C10orf90: variants seen among roughly 807,000 people sequenced by gnomAD.
The protein encoded by C10orf90 is (E2-independent) E3 ubiquitin-conjugating enzyme FATS.
C10orf90 carries 56 observed loss-of-function variants against 62.5 expected under a neutral mutation model. The ratio of observed to expected loss-of-function variants is 0.90; its 90% CI spans 0.72 to 1.12. The LOEUF (loss-of-function observed/expected upper bound fraction) is 1.12, where lower values mean the gene tolerates loss of function less well. Ranked by LOEUF, C10orf90 falls within the 50% of genes most tolerant of loss-of-function variation. The pLI is 0.00. For missense variants in C10orf90, 970 were observed against 880.4 expected (o/e 1.10, Z -1.29); for synonymous variants, 386 against 340.4 (o/e 1.13, Z -1.47).
At chr10:126,475,181 G>A (rs183949148) in intron 4 of C10orf90, among the ~76,000 whole-genome samples, 39 of 152,300 alleles carry the variant, frequency 2.6e-4, no homozygotes, top group African/African-American at 8.4e-4. Flanking sequence ...TCAAAGGGAC[G>A]TGGAGAGAAC....
At chr10:126,469,503 A>T (rs1183545536) in intron 4 of C10orf90, among the ~76,000 whole-genome samples, 1 of 152,144 alleles carries the variant, frequency 6.6e-6, no homozygotes, top group Non-Finnish European at 1.5e-5. Flanking sequence ...TCCCTGCAGA[A>T]TCTGGGCCAT....
intron 2 of C10orf90, among the ~76,000 whole-genome samples, chr10:126,628,072 T>A (rs999203314): frequency 6.6e-6 from 1 of 152,230 alleles, no homozygotes; most frequent in African/African-American, 2.4e-5. Context: ...GTCTTTATCA[T>A]GAAATTAGTT....
At chr10:126,598,786 T>A (rs1434778671) in intron 2 of C10orf90, among the ~76,000 whole-genome samples, 1 of 152,138 alleles carries the variant, frequency 6.6e-6, no homozygotes. Flanking sequence ...TAGGGAATAT[T>A]CCCATCTCTG....
At chr10:126,648,943 T>C (rs1046825514) in intron 1 of C10orf90, among the ~76,000 whole-genome samples, 1 of 152,066 alleles carries the variant, frequency 6.6e-6, no homozygotes, top group Non-Finnish European at 1.5e-5. Flanking sequence ...ACGTAGTTGT[T>C]AGTCAAGAGC....
In C10orf90 at chr10:126,530,393, G is replaced by C. The variant is rs185878728; in HGVS notation, c.314-16454C>G. Among the ~76,000 whole-genome samples, 5 of 151,540 alleles carry C rather than the reference G, an allele frequency of 3.3e-5. No individual in the cohort carries two copies. The East Asian group carries it at 7.8e-4, about 24-fold the overall frequency. On this transcript the variant is annotated intron_variant, in intron 2 of 9. Transcript: ENST00000488181. ...GAAATTTCTATTGTCAGGAATAAGA[G>C]AGACATCACTGCAGAGACTACAGAC...
Position 126,508,199 on chromosome 10 carries a change from G to C in C10orf90, c.406-3114C>G, listed in dbSNP as rs1222956815. Among the ~76,000 whole-genome samples, 13 of 152,306 alleles carry C rather than the reference G, an allele frequency of 8.5e-5. No homozygotes were observed. The East Asian group carries it at 1.7e-3, about 20-fold the overall frequency. On this transcript the variant is annotated intron_variant, in intron 3 of 9. Coordinates refer to ENST00000488181, the MANE Select transcript of C10orf90 (RefSeq NM_001350921.2). The stretch of plus-strand genomic sequence containing the variant: ...AGAGAGAGAGAGAGAGAGTGTGTGT[G>C]TGTGTGTTGGTGGGGAGGACATGTT...
chr10:126,612,948 A>G (rs946261497), intron 2 of C10orf90, among the ~76,000 whole-genome samples: 28 of 152,304 alleles, frequency 1.8e-4, no homozygotes, highest in African/African-American at 6.0e-4. Context: ...CTCCAACGGC[A>G]TGTTACATAC....
intron 2 of C10orf90, among the ~76,000 whole-genome samples, chr10:126,572,455 G>C (rs533261291): frequency 6.6e-6 from 1 of 152,266 alleles, no homozygotes; most frequent in East Asian, 1.9e-4. Flanking sequence ...GATTTTTATG[G>C]TTATTTCTTG....
chr10:126,547,460 T>C (rs1864527333), intron 2 of C10orf90, among the ~76,000 whole-genome samples: 1 of 142,718 alleles, frequency 7.0e-6, no homozygotes, highest in African/African-American at 2.6e-5. Context: ...AAATCATTCG[T>C]TCATCACAAC....
chr10:126,442,638 TA>T lies in C10orf90; in HGVS notation c.2189-12789del, dbSNP rs1858460413. On this transcript the variant is annotated intron_variant, in intron 7 of 9. Coordinates refer to ENST00000488181, the MANE Select transcript of C10orf90 (RefSeq NM_001350921.2). Reference sequence around the variant, plus strand: ...CCTACTATTATTGTGTGTGTGTATATATATATATATATATATATATATATAT... The same window carrying T: ...CCTACTATTATTGTGTGTGTGTATATTATATATATATATATATATATATAT... Among the ~76,000 whole-genome samples the T allele has an allele frequency of 3.3e-3, 55 of 16,452 alleles. 2 individuals are homozygous for T. Among genetic ancestry groups the T allele is most frequent in the African/African-American group, 9.5e-3 (54 of 5,676 alleles). 10.8% of individuals were successfully genotyped at this position (16,452 alleles called of 152,430 possible).
At chr10:126,584,378 C>T (rs557522437) in intron 2 of C10orf90, among the ~76,000 whole-genome samples, 18 of 151,774 alleles carry the variant, frequency 1.2e-4, no homozygotes, top group African/African-American at 3.9e-4. Context: ...TCCATCTGTC[C>T]ATCCATCTAC....
At chr10:126,444,376 G>C (rs1225444190) in intron 7 of C10orf90, among the ~76,000 whole-genome samples, 2 of 151,802 alleles carry the variant, frequency 1.3e-5, no homozygotes, top group Non-Finnish European at 2.9e-5. Context: ...TATACAACAA[G>C]AGCGACCAAG....
intron 2 of C10orf90, among the ~76,000 whole-genome samples, chr10:126,570,524 C>A (rs1844485161): frequency 6.6e-6 from 1 of 152,140 alleles, no homozygotes; most frequent in Admixed American, 6.5e-5. Flanking sequence ...AAAATTTAGA[C>A]CCTACAGGGT....
intron 2 of C10orf90, chr10:126,520,272 C>T (rs1401302033): frequency 6.6e-6 from 1 of 152,264 alleles, no homozygotes; most frequent in Non-Finnish European, 1.5e-5. Context: ...CCCAGCCGGT[C>T]CTGCCAAACC....
At chr10:126,496,225 C>T (rs1442071681) in intron 4 of C10orf90, among the ~76,000 whole-genome samples, 1 of 151,884 alleles carries the variant, frequency 6.6e-6, no homozygotes, top group African/African-American at 2.4e-5. Context: ...AGTGTAGGGA[C>T]ACCCCCTATT....
At chr10:126,516,449 G>A (rs746520501) in intron 2 of C10orf90, among the ~76,000 whole-genome samples, 3 of 152,282 alleles carry the variant, frequency 2.0e-5, no homozygotes, top group South Asian at 2.1e-4. Context: ...CTTGTTACTC[G>A]TGTGGCTTTG....
intron 7 of C10orf90, among the ~76,000 whole-genome samples, chr10:126,444,524 A>T (rs572989098): frequency 3.6e-4 from 55 of 152,286 alleles, no homozygotes; most frequent in Non-Finnish European, 6.3e-4. Context: ...ATCATAGATG[A>T]CACAAACAAA....
chr10:126,628,014 T>C (rs1418600347), intron 2 of C10orf90, among the ~76,000 whole-genome samples: 2 of 152,322 alleles, frequency 1.3e-5, no homozygotes, highest in African/African-American at 4.8e-5. Context: ...CAAGTGTCTC[T>C]TAAAAAAAAG....
chr10:126,607,366 A>G (rs984050567), intron 2 of C10orf90, among the ~76,000 whole-genome samples: 1 of 152,234 alleles, frequency 6.6e-6, no homozygotes, highest in Non-Finnish European at 1.5e-5. Flanking sequence ...AAATCTAACT[A>G]GCCACTGTTT....
Sources: gnomAD v4.1 joint callset for allele counts (sites outside exome capture counted in the v4.1 genomes callset) on GRCh38, gnomAD v4.1.1 for gene constraint, MANE v1.5 for transcripts, NCBI Gene and HGNC (gene_info 2026-07-23, HGNC 2026-07-21) for gene names.